Variants in MYO18B observed in about 807,000 individuals in gnomAD.
The protein encoded by MYO18B is myosin XVIIIB, also known as unconventional myosin-XVIIIb.
MYO18B carries 204 observed loss-of-function variants against 273.0 expected under a neutral mutation model. That is an observed-to-expected ratio of 0.75 (90% CI 0.67 to 0.84). The LOEUF is 0.84. MYO18B is among the 40% of genes least tolerant of loss of function. MYO18B has a pLI of 0.00. For missense variants in MYO18B, 3,212 were observed against 3,287.6 expected, an observed-to-expected ratio of 0.98 and a Z score of 0.56; for synonymous variants, 1,330 against 1,305.7, an observed-to-expected ratio of 1.02 and a Z score of -0.40.
chr22:25,766,312 T>C (rs75663127), intron 3 of MYO18B, among the ~76,000 whole-genome samples: 2,753 of 152,104 alleles, frequency 0.018, 81 homozygotes, highest in African/African-American at 0.06. Context: ...AAATAGGAGA[T>C]TGCATGATGG....
intron 39 of MYO18B, among the ~76,000 whole-genome samples, chr22:25,975,249 G>A (rs2093076534): frequency 1.3e-5 from 2 of 152,182 alleles, no homozygotes; most frequent in African/African-American, 4.8e-5. Context: ...TTCCTGATGA[G>A]TCAATAAATG....
At chr22:26,009,896 T>G (rs560050960) in intron 42 of MYO18B, among the ~76,000 whole-genome samples, 6 of 152,176 alleles carry the variant, frequency 3.9e-5, no homozygotes, top group Non-Finnish European at 7.4e-5. Flanking sequence ...CGTCTTTATA[T>G]TCTCCCAAGT....
chr22:25,844,335 C>T lies in MYO18B; in HGVS notation c.3368+441C>T, dbSNP rs577470589. The stretch of plus-strand genomic sequence containing the variant: ...GGCGTGAGGCCGGCAGCATTCTCTG[C>T]TTTTAGTTCAGAGGCTTATTGGAAA... On this transcript the variant is annotated intron_variant, in intron 18 of 43. Coordinates refer to ENST00000335473, the MANE Select transcript of MYO18B (RefSeq NM_032608.7). Among the ~76,000 whole-genome samples the T allele has an allele frequency of 3.9e-5, 6 of 152,104 alleles. No homozygotes were observed. The South Asian group carries it at 1.2e-3, about 32-fold the overall frequency.
chr22:25,933,480 C>T (rs2092536736), intron 34 of MYO18B, among the ~76,000 whole-genome samples: 1 of 152,178 alleles, frequency 6.6e-6, no homozygotes. Context: ...TCTGTCTTCC[C>T]ATGTTTCTCG....
intron 21 of MYO18B, among the ~76,000 whole-genome samples, chr22:25,858,868 A>G (rs752656050): frequency 6.6e-6 from 1 of 152,232 alleles, no homozygotes; most frequent in Non-Finnish European, 1.5e-5. Context: ...GAAGTGGGAT[A>G]GCTTAACAGG....
intron 20 of MYO18B, among the ~76,000 whole-genome samples, chr22:25,850,443 G>C (rs1211659716): frequency 6.6e-6 from 1 of 152,130 alleles, no homozygotes; most frequent in African/African-American, 2.4e-5. Context: ...TCTCTCTGGG[G>C]CTCAATTTCC....
chr22:25,794,413 C>T (rs2087816628), intron 11 of MYO18B, among the ~76,000 whole-genome samples: 1 of 151,716 alleles, frequency 6.6e-6, no homozygotes, highest in Admixed American at 6.6e-5. Context: ...CACTCTTGCT[C>T]AGGCTAGTCA....
At chr22:25,934,547 C>A (rs1255127031) in intron 34 of MYO18B, among the ~76,000 whole-genome samples, 1 of 152,084 alleles carries the variant, frequency 6.6e-6, no homozygotes, top group African/African-American at 2.4e-5. Context: ...TCAGGAAGTC[C>A]TGACGAAGTG....
intron 1 of MYO18B, 42 bp from the exon 2 acceptor site, chr22:25,760,942 C>A: frequency 2.3e-6 from 2 of 864,692 alleles, no homozygotes; most frequent in South Asian, 3.1e-5. Flanking sequence ...CATGAGCTAA[C>A]CTGTCTCTCT....
Position 25,903,955 on chromosome 22 carries a change from C to T in MYO18B, c.5148+124C>T, listed in dbSNP as rs536554692. 5 of 1,049,568 alleles carry T rather than the reference C, an allele frequency of 4.8e-6. No homozygotes were observed. The East Asian group carries it at 1.3e-4, about 27-fold the overall frequency. The allele number at this position is 1,049,568 out of a possible 1,614,324, so 65.0% of individuals were successfully genotyped here. On this transcript the variant is annotated intron_variant, in intron 31 of 43. Coordinates refer to ENST00000335473, the MANE Select transcript of MYO18B (RefSeq NM_032608.7). ...CATCCTTCAATGGCTCCCTATTATC[C>T]CAGGGAACCTTTAAGCTCCTAAGTC...
rs776807575 is a variant in MYO18B at position 25,908,388 on chromosome 22, C to A, written c.5215C>A (p.Gln1739Lys). The A allele has an allele frequency of 1.2e-4, 197 of 1,602,872 alleles. No individual in the cohort carries two copies. The highest frequency in any genetic ancestry group is 1.6e-4 in the Non-Finnish European group (191 of 1,175,028). Residue 1739 changes from glutamine to lysine, a missense_variant, in exon 32 of 44, where the codon CAG becomes AAG. Transcript: ENST00000335473. ...GATGCACCAGAAGGACCGTGAGGAC[C>A]AGGAGGAGGAACTGGAGGATGTCCG... ...KQMHQKDREDQEEELEDVRQS... is the reference protein window; with the variant it reads ...KQMHQKDREDKEEELEDVRQS...
chr22:25,998,787 A>G (rs1933620340), intron 40 of MYO18B, among the ~76,000 whole-genome samples: 3 of 152,296 alleles, frequency 2.0e-5, no homozygotes, highest in Middle Eastern at 3.4e-3. Flanking sequence ...CAGGCCAGGG[A>G]GAACAGCTTA....
intron 39 of MYO18B, among the ~76,000 whole-genome samples, chr22:25,966,397 C>T (rs371717318): frequency 6.6e-6 from 1 of 152,168 alleles, no homozygotes; most frequent in Non-Finnish European, 1.5e-5. Context: ...TTGGTGTTTT[C>T]CCCCTGCAAA....
At chr22:25,764,062 TG>T (rs2086421208) in intron 3 of MYO18B, among the ~76,000 whole-genome samples, 1 of 152,320 alleles carries the variant, frequency 6.6e-6, no homozygotes, top group Admixed American at 6.5e-5. Context: ...TCCCTTGGAA[TG>T]GCTACAATCC....
At chr22:25,891,636 G>A (rs1478741801) in intron 27 of MYO18B, among the ~76,000 whole-genome samples, 1 of 152,202 alleles carries the variant, frequency 6.6e-6, no homozygotes, top group East Asian at 1.9e-4. Flanking sequence ...CAAATTATCT[G>A]TATGATATGT....
At chr22:25,896,785 C>T (rs2091814529) in intron 28 of MYO18B, 1 of 152,128 alleles carries the variant, frequency 6.6e-6, no homozygotes, top group Admixed American at 6.5e-5. Context: ...TGATTTGTAG[C>T]ACTTGCCAAT....
chr22:25,868,440 T>C, intron 22 of MYO18B, 55 bp downstream of exon 22: 18 of 1,421,606 alleles, frequency 1.3e-5, no homozygotes, highest in Non-Finnish European at 1.6e-5. Context: ...GACCCAGAGA[T>C]GACCTGATTC....
intron 11 of MYO18B, among the ~76,000 whole-genome samples, chr22:25,789,927 C>T (rs976754816): frequency 2.0e-5 from 3 of 152,204 alleles, no homozygotes; most frequent in Non-Finnish European, 2.9e-5. Context: ...CCAAGGCAGG[C>T]GGATCACCTG....
At chr22:25,927,998 G>A (rs1051962650) in intron 34 of MYO18B, among the ~76,000 whole-genome samples, 7 of 152,118 alleles carry the variant, frequency 4.6e-5, no homozygotes, top group Non-Finnish European at 7.4e-5. Flanking sequence ...GGTTAGATAA[G>A]GTACATGTAT....
Sources: allele counts gnomAD v4.1 joint callset (sites outside exome capture counted in the v4.1 genomes callset), GRCh38; gene constraint gnomAD v4.1.1; transcripts MANE v1.5; gene names NCBI Gene and HGNC (gene_info 2026-07-23, HGNC 2026-07-21).